Variants in MGAT4C observed in about 807,000 individuals in gnomAD.
MGAT4C encodes the protein MGAT4 family member C.
MGAT4C carries 19 observed loss-of-function variants against 40.1 expected under a neutral mutation model. The ratio of observed to expected loss-of-function variants is 0.47; its 90% confidence interval spans 0.33 to 0.70. MGAT4C has a LOEUF of 0.70. MGAT4C is among the 30% of genes least tolerant of loss of function. The pLI, the probability that MGAT4C is intolerant of heterozygous loss-of-function variation, is 0.02. For synonymous variants in MGAT4C, 181 were observed against 187.1 expected, an observed-to-expected ratio of 0.97 and a Z score of 0.27; for missense variants, 491 against 563.2, an observed-to-expected ratio of 0.87 and a Z score of 1.30.
chr12:85,960,503 G>C lies in MGAT4C; in HGVS notation c.*18786C>G, dbSNP rs1227857077. The C allele has an allele frequency of 1.3e-5, 2 of 151,970 alleles. No individual in the cohort carries two copies. Among genetic ancestry groups the C allele is most frequent in the African/African-American group, 4.8e-5 (2 of 41,420 alleles). 9.4% of individuals were successfully genotyped at this position (151,970 alleles called of 1,614,324 possible). A position where few individuals can be genotyped will look rare whatever the true frequency, so the allele number is the denominator to read the frequency against. On this transcript the variant is annotated 3_prime_UTR_variant, in exon 5 of 5. Coordinates refer to ENST00000611864, the MANE Select transcript of MGAT4C (RefSeq NM_001351288.2). ...TAAAACAACAATTAGCATGTGACAT[G>C]CTCTCAGCAAATCAATTAATCCTTC...
chr12:86,548,899 G>A (rs535132077), intron 2 of MGAT4C, among the ~76,000 whole-genome samples: 5 of 152,212 alleles, frequency 3.3e-5, no homozygotes, highest in Admixed American at 1.3e-4. Flanking sequence ...GAAACTTCTC[G>A]AAAAGGATGG....
At chr12:86,420,187 T>C (rs1252598026) in intron 3 of MGAT4C, among the ~76,000 whole-genome samples, 1 of 151,908 alleles carries the variant, frequency 6.6e-6, no homozygotes, top group Non-Finnish European at 1.5e-5. Context: ...AGACCACCCT[T>C]GGCAACATGG....
At chr12:86,025,055 T>G (rs2136880912) in intron 2 of MGAT4C, among the ~76,000 whole-genome samples, 1 of 151,792 alleles carries the variant, frequency 6.6e-6, no homozygotes, top group African/African-American at 2.4e-5. Context: ...TTCCTTAAAG[T>G]AAATTATCAA....
intron 1 of MGAT4C, among the ~76,000 whole-genome samples, chr12:86,753,847 G>T (rs767685595): frequency 2.0e-4 from 31 of 152,116 alleles, no homozygotes; most frequent in Non-Finnish European, 3.8e-4. Context: ...GATTTAAAAA[G>T]ATTGACCATA....
intron 1 of MGAT4C, among the ~76,000 whole-genome samples, chr12:86,249,814 A>G (rs1265998498): frequency 1.3e-5 from 2 of 152,086 alleles, no homozygotes; most frequent in Non-Finnish European, 2.9e-5. Context: ...AAAAGTCTCT[A>G]ATTTTCCAAA....
chr12:86,324,195 C>A (rs549255143), intron 4 of MGAT4C, among the ~76,000 whole-genome samples: 12 of 151,898 alleles, frequency 7.9e-5, no homozygotes, highest in African/African-American at 2.9e-4. Context: ...TGTATTGCCC[C>A]TTTCTTTTAG....
chr12:86,745,128 G>A (rs1326778259), intron 1 of MGAT4C: 1 of 151,464 alleles, frequency 6.6e-6, no homozygotes, highest in Non-Finnish European at 1.5e-5. Context: ...CTATGGGGCA[G>A]AGAGGAAAGG....
intron 4 of MGAT4C, among the ~76,000 whole-genome samples, chr12:86,280,575 T>G (rs1204171661): frequency 1.3e-5 from 2 of 152,046 alleles, no homozygotes; most frequent in Non-Finnish European, 1.5e-5. Flanking sequence ...TAGAATGCTT[T>G]TTCATGCTTT....
chr12:86,394,004 A>T (rs987606090), intron 3 of MGAT4C, among the ~76,000 whole-genome samples: 1 of 152,120 alleles, frequency 6.6e-6, no homozygotes. Flanking sequence ...TTTTCTTCCT[A>T]GTATAAAGAA....
At position 85,963,299 on chromosome 12, in the gene MGAT4C, AT is replaced by A. The variant is rs1284128040; in HGVS notation, c.*15989del. 2 of 151,986 alleles carry A rather than the reference AT, an allele frequency of 1.3e-5. No individual in the cohort carries two copies. Among genetic ancestry groups the A allele is most frequent in the Non-Finnish European group, 2.9e-5 (2 of 67,904 alleles). 9.4% of individuals were successfully genotyped at this position (151,986 alleles called of 1,614,324 possible). A position where few individuals can be genotyped will look rare whatever the true frequency, so the allele number is the denominator to read the frequency against. On this transcript the variant is annotated 3_prime_UTR_variant, in exon 5 of 5. Transcript: ENST00000611864. The stretch of plus-strand genomic sequence containing the variant: ...CTTTTGCCTTTAGAATAAATACAAC[AT>A]TTTTATGTAGAAATATATTCTTGAA...
intron 2 of MGAT4C, among the ~76,000 whole-genome samples, chr12:86,704,034 T>G (rs894918911): frequency 3.3e-5 from 5 of 152,208 alleles, no homozygotes; most frequent in African/African-American, 1.2e-4. Context: ...CAGTATGACT[T>G]TTATAGCAAA....
At chr12:86,368,358 AT>A (rs941801513) in intron 3 of MGAT4C, among the ~76,000 whole-genome samples, 2 of 151,386 alleles carry the variant, frequency 1.3e-5, no homozygotes, top group African/African-American at 4.9e-5. Context: ...AGTTTCAGTA[AT>A]TTTTTTCTAT....
chr12:86,826,149 C>T (rs1290991409), intron 1 of MGAT4C, among the ~76,000 whole-genome samples: 1 of 151,434 alleles, frequency 6.6e-6, no homozygotes, highest in African/African-American at 2.4e-5. Context: ...TTGAGCTTCC[C>T]TCTACTCTAT....
At chr12:86,192,911 G>A (rs934810699) in intron 1 of MGAT4C, among the ~76,000 whole-genome samples, 1 of 152,022 alleles carries the variant, frequency 6.6e-6, no homozygotes, top group Admixed American at 6.6e-5. Flanking sequence ...ATAAGTTATT[G>A]TAGCATTATG....
chr12:86,694,006 C>T (rs956946714), intron 2 of MGAT4C, among the ~76,000 whole-genome samples: 1 of 152,092 alleles, frequency 6.6e-6, no homozygotes, highest in Non-Finnish European at 1.5e-5. Flanking sequence ...TGTTTTATTA[C>T]TATTATAAAT....
chr12:85,995,596 G>A (rs1033950988), intron 2 of MGAT4C, among the ~76,000 whole-genome samples: 23 of 152,128 alleles, frequency 1.5e-4, no homozygotes, highest in East Asian at 9.6e-4. Flanking sequence ...GGCCAGCTGC[G>A]GTACCTCATG....
chr12:86,558,369 A>T (rs538374726), intron 2 of MGAT4C, among the ~76,000 whole-genome samples: 1 of 152,232 alleles, frequency 6.6e-6, no homozygotes, highest in African/African-American at 2.4e-5. Flanking sequence ...ATTCCCAAAT[A>T]GATTTAACAC....
At chr12:86,748,332 T>C (rs1226678753) in intron 1 of MGAT4C, among the ~76,000 whole-genome samples, 4 of 151,684 alleles carry the variant, frequency 2.6e-5, no homozygotes, top group Admixed American at 6.6e-5. Context: ...CTCTGAATAA[T>C]ATCAAGAATT....
chr12:86,783,027 C>T (rs1951870699), intron 1 of MGAT4C, among the ~76,000 whole-genome samples: 1 of 152,058 alleles, frequency 6.6e-6, no homozygotes, highest in Non-Finnish European at 1.5e-5. Context: ...GTTATGTCCT[C>T]CTAAATTATC....
Sources: gnomAD v4.1 joint callset for allele counts (sites outside exome capture counted in the v4.1 genomes callset) on GRCh38, gnomAD v4.1.1 for gene constraint, MANE v1.5 for transcripts, NCBI Gene and HGNC (gene_info 2026-07-23, HGNC 2026-07-21) for gene names.